Variants in BMPER observed in about 807,000 individuals in gnomAD.
BMPER encodes the protein BMP-binding endothelial regulator protein.
BMPER carries 45 observed loss-of-function variants against 87.3 expected under a neutral mutation model. The observed-to-expected ratio is 0.52, with a 90% CI of 0.41 to 0.66. BMPER has a LOEUF of 0.66. Ranked by LOEUF, BMPER falls within the 30% of genes least tolerant of loss-of-function variation. The pLI is 0.00. For synonymous variants in BMPER, 326 were observed against 316.2 expected (o/e 1.03, Z -0.33); for missense variants, 784 against 867.5 (o/e 0.90, Z 1.21).
At chr7:34,033,643 C>T (rs966660554) in intron 6 of BMPER, among the ~76,000 whole-genome samples, 2 of 152,218 alleles carry the variant, frequency 1.3e-5, no homozygotes, top group Admixed American at 6.5e-5. Flanking sequence ...CAAGAATATT[C>T]CCCTTCAATA....
intron 6 of BMPER, among the ~76,000 whole-genome samples, chr7:33,993,352 C>G (rs1786288188): frequency 6.6e-6 from 1 of 152,110 alleles, no homozygotes; most frequent in Non-Finnish European, 1.5e-5. Flanking sequence ...TCCCTTCTCG[C>G]TTCATTTCAT....
intron 13 of BMPER, among the ~76,000 whole-genome samples, chr7:34,133,328 G>A (rs563373416): frequency 7.9e-5 from 12 of 152,240 alleles, no homozygotes; most frequent in South Asian, 2.1e-4. Flanking sequence ...GCACCTCCAC[G>A]AAAACCCCAA....
chr7:34,125,223 T>A (rs2127990234), intron 13 of BMPER, among the ~76,000 whole-genome samples: 1 of 152,294 alleles, frequency 6.6e-6, no homozygotes, highest in South Asian at 2.1e-4. Flanking sequence ...CTCTAGTGGG[T>A]AATGCCATTT....
At chr7:34,088,279 A>G (rs957892108) in intron 13 of BMPER, among the ~76,000 whole-genome samples, 1 of 152,190 alleles carries the variant, frequency 6.6e-6, no homozygotes, top group Admixed American at 6.5e-5. Context: ...CTCAGGAAGG[A>G]GAGCTGGGCA....
intron 6 of BMPER, among the ~76,000 whole-genome samples, chr7:33,992,960 G>A (rs1255850932): frequency 1.4e-5 from 2 of 146,128 alleles, no homozygotes; most frequent in Admixed American, 6.9e-5. Context: ...CTCTCTTCTG[G>A]CTTGTAGAGT....
At chr7:34,143,548 G>A (rs769314082) in intron 14 of BMPER, among the ~76,000 whole-genome samples, 188 bp downstream of exon 14, 6 of 152,192 alleles carry the variant, frequency 3.9e-5, no homozygotes, top group Non-Finnish European at 5.9e-5. Flanking sequence ...AAGGTAGACA[G>A]CACTTAAGAT....
intron 13 of BMPER, among the ~76,000 whole-genome samples, chr7:34,137,875 T>A (rs749083940): frequency 2.6e-5 from 4 of 152,174 alleles, no homozygotes; most frequent in Non-Finnish European, 5.9e-5. Context: ...ACTTTGAATT[T>A]TTTTTGTAGG....
At chr7:33,974,597 C>T in intron 5 of BMPER, 105 bp from the exon 6 acceptor site, 1 of 1,113,356 alleles carries the variant, frequency 9.0e-7, no homozygotes, top group South Asian at 1.2e-5. Context: ...AGAGGACACT[C>T]AGCTGTGTGG....
At chr7:34,066,757 GA>G (rs1414406561) in intron 11 of BMPER, among the ~76,000 whole-genome samples, 3 of 152,164 alleles carry the variant, frequency 2.0e-5, no homozygotes, top group Non-Finnish European at 4.4e-5. Flanking sequence ...TTCTAACATG[GA>G]AATAATACAT....
chr7:33,994,453 G>A (rs1786339325), intron 6 of BMPER, among the ~76,000 whole-genome samples: 1 of 152,190 alleles, frequency 6.6e-6, no homozygotes, highest in Non-Finnish European at 1.5e-5. Flanking sequence ...CTTCCCAAGT[G>A]AGGCAATGCC....
At chr7:34,061,508 A>T (rs1357122112) in intron 10 of BMPER, among the ~76,000 whole-genome samples, 2 of 152,194 alleles carry the variant, frequency 1.3e-5, no homozygotes, top group Non-Finnish European at 2.9e-5. Flanking sequence ...TGTAGCACAG[A>T]TATTGCCCAT....
intron 2 of BMPER, among the ~76,000 whole-genome samples, chr7:33,929,646 A>G (rs915867335): frequency 1.3e-5 from 2 of 152,208 alleles, no homozygotes; most frequent in African/African-American, 2.4e-5. Flanking sequence ...AGGCTTTGAT[A>G]TCAGAGTCCT....
intron 6 of BMPER, among the ~76,000 whole-genome samples, chr7:34,025,432 A>G (rs1306649279): frequency 6.6e-6 from 1 of 151,922 alleles, no homozygotes; most frequent in East Asian, 1.9e-4. Flanking sequence ...CTGAGATGAT[A>G]TAGGGGATCC....
In BMPER at chr7:34,097,976, G is replaced by A. The variant is rs535956972; in HGVS notation, c.1745+11884G>A. Among the ~76,000 whole-genome samples the A allele has an allele frequency of 1.9e-4, 29 of 152,158 alleles. No individual in the cohort carries two copies. The East Asian group carries it at 5.2e-3, about 27-fold the overall frequency. On this transcript the variant is annotated intron_variant, in intron 13 of 14. Coordinates refer to ENST00000649409, the MANE Select transcript of BMPER (RefSeq NM_001365308.1). ...CTCGGTGGCATTTTCTTGGCCTGTA[G>A]TAGTTTAAAGTATACCCTGATTTTT...
intron 13 of BMPER, among the ~76,000 whole-genome samples, chr7:34,092,782 A>G (rs374841874): frequency 3.8e-4 from 58 of 152,372 alleles, no homozygotes; most frequent in East Asian, 2.5e-3. Context: ...GTAAAAAGAA[A>G]GACACGAATT....
intron 3 of BMPER, among the ~76,000 whole-genome samples, chr7:33,962,908 T>A (rs1239925421): frequency 1.3e-5 from 2 of 152,182 alleles, no homozygotes; most frequent in South Asian, 2.1e-4. Flanking sequence ...AATTACTAGA[T>A]CTGCTATGAT....
intron 13 of BMPER, among the ~76,000 whole-genome samples, chr7:34,108,035 T>C (rs1310103519): frequency 2.0e-5 from 3 of 152,238 alleles, no homozygotes; most frequent in African/African-American, 7.2e-5. Context: ...CATTTGCCAG[T>C]GTTGAGTACA....
intron 2 of BMPER, among the ~76,000 whole-genome samples, chr7:33,920,500 A>G (rs1221664437): frequency 2.3e-5 from 3 of 128,168 alleles, no homozygotes; most frequent in Non-Finnish European, 4.6e-5. Context: ...ATCTCGGCTT[A>G]CTGCAACCTC....
chr7:34,087,596 A>G (rs1354248977), intron 13 of BMPER, among the ~76,000 whole-genome samples: 1 of 152,220 alleles, frequency 6.6e-6, no homozygotes, highest in Non-Finnish European at 1.5e-5. Flanking sequence ...ACATGAATGC[A>G]TGTGCTTAAC....
Sources: gnomAD v4.1 joint callset for allele counts (sites outside exome capture counted in the v4.1 genomes callset) on GRCh38, gnomAD v4.1.1 for gene constraint, MANE v1.5 for transcripts, NCBI Gene and HGNC (gene_info 2026-07-23, HGNC 2026-07-21) for gene names.